The following SFMBT1 variants were observed in gnomAD, a reference collection of about 807,000 sequenced individuals.
The protein encoded by SFMBT1 is Scm like with four mbt domains 1.
In SFMBT1, 32 loss-of-function variants were observed where a neutral mutation model predicts 108.7. That is an observed-to-expected ratio of 0.29 (90% confidence interval 0.22 to 0.40). SFMBT1 has a LOEUF of 0.40. Ranked by LOEUF, SFMBT1 falls within the 10% of genes least tolerant of loss-of-function variation. The pLI is 1.00. For synonymous variants in SFMBT1, 348 were observed against 369.5 expected (o/e 0.94, Z 0.67); for missense variants, 816 against 1,059.6 (o/e 0.77, Z 3.19).
chr3:52,974,049 A>G (rs942207142), intron 1 of SFMBT1, among the ~76,000 whole-genome samples: 2 of 152,238 alleles, frequency 1.3e-5, no homozygotes, highest in African/African-American at 4.8e-5. Context: ...AAGTATCCTC[A>G]GCCAAATGAT....
intron 2 of SFMBT1, among the ~76,000 whole-genome samples, chr3:52,968,136 G>A (rs755766966): frequency 2.0e-5 from 3 of 152,184 alleles, no homozygotes; most frequent in Non-Finnish European, 2.9e-5. Flanking sequence ...CAATATACGC[G>A]AGAGCTTGGA....
In SFMBT1 at chr3:53,034,918, G is replaced by A. The variant is rs141476417; in HGVS notation, c.-131+10898C>T. ...CGAGCCACTGCACTCCAGTCTGGGC[G>A]ACAGAGCGAGACTCTGTCTCAAAAT... is the stretch of plus-strand genomic sequence containing the variant. On this transcript the variant is annotated intron_variant, in intron 1 of 20. Transcript: ENST00000394752. Among the ~76,000 whole-genome samples the A allele has an allele frequency of 6.9e-3, 1,055 of 152,304 alleles. 13 individuals are homozygous for A. Among genetic ancestry groups the A allele is most frequent in the African/African-American group, 0.024 (1,009 of 41,554 alleles).
intron 1 of SFMBT1, among the ~76,000 whole-genome samples, chr3:52,985,628 T>C (rs1704878453): frequency 6.6e-6 from 1 of 152,246 alleles, no homozygotes; most frequent in Non-Finnish European, 1.5e-5. Flanking sequence ...TGAGGATATG[T>C]TCTGAGAAAT....
At chr3:52,958,678 G>T (rs111358116) in intron 2 of SFMBT1, among the ~76,000 whole-genome samples, 2,202 of 152,228 alleles carry the variant, frequency 0.014, 53 homozygotes, top group African/African-American at 0.048. Flanking sequence ...ACTGTTGGTG[G>T]GAATGTAAAT....
chr3:52,956,430 A>G (rs540154868), intron 2 of SFMBT1, among the ~76,000 whole-genome samples: 11 of 152,322 alleles, frequency 7.2e-5, no homozygotes, highest in African/African-American at 2.2e-4. Context: ...ACTGCACTCC[A>G]GCCTGGTGAT....
At position 52,906,189 on chromosome 3, in the gene SFMBT1, T is replaced by G; in HGVS notation, c.2384A>C (p.Lys795Thr). 6.2e-7 allele frequency: 1 copy of G among 1,614,162 alleles called. No homozygotes were observed. Among genetic ancestry groups the G allele is most frequent in the Non-Finnish European group, 8.5e-7 (1 of 1,179,992 alleles). The change falls in exon 20 of 21, where the codon AAG (lysine) becomes ACG (threonine). Residue 795 changes from lysine (K) to threonine (T), a missense_variant. Physicochemically the swap from Lys to Thr is moderately conservative, Grantham distance 78 (BLOSUM62 -1). This residue lies in a region of SFMBT1 where 49 missense variants were observed against 91.8 expected (regional missense o/e 0.53). Transcript: ENST00000394752. ...ERLHLDSNPL[K>T]WSVADVVRFI... ...CCGCACAACGTCTGCCACACTCCAC[T>G]TCAAGGGGTTACTGTCCAGGTGAAG...
chr3:52,949,724 C>T (rs1232243129), intron 3 of SFMBT1, among the ~76,000 whole-genome samples: 2 of 151,806 alleles, frequency 1.3e-5, no homozygotes, highest in Admixed American at 1.3e-4. Flanking sequence ...GGATTACAGG[C>T]ATGCACCACC....
At chr3:53,034,035 A>G (rs1386228110) in intron 1 of SFMBT1, among the ~76,000 whole-genome samples, 1 of 135,366 alleles carries the variant, frequency 7.4e-6, no homozygotes, top group Admixed American at 8.8e-5. Flanking sequence ...GCGCCATTGC[A>G]CTCCAGCCTG....
At chr3:53,031,246 A>G (rs577599110) in intron 1 of SFMBT1, among the ~76,000 whole-genome samples, 11 of 152,314 alleles carry the variant, frequency 7.2e-5, no homozygotes, top group Admixed American at 7.2e-4. Context: ...GCGAATAACA[A>G]CAGGCTCTCT....
At chr3:53,013,625 T>C (rs1699028429) in intron 1 of SFMBT1, among the ~76,000 whole-genome samples, 1 of 107,022 alleles carries the variant, frequency 9.3e-6, no homozygotes, top group African/African-American at 3.6e-5. Context: ...CTTTTTTTTT[T>C]TTTTTTTTTT....
intron 3 of SFMBT1, among the ~76,000 whole-genome samples, chr3:52,951,188 A>C (rs1215028688): frequency 1.5e-5 from 2 of 136,918 alleles, no homozygotes; most frequent in Non-Finnish European, 3.1e-5. Flanking sequence ...AAAAAAAAAA[A>C]AAAACACACA....
intron 3 of SFMBT1, among the ~76,000 whole-genome samples, chr3:52,945,991 G>A (rs1050524018): frequency 5.3e-5 from 8 of 152,150 alleles, no homozygotes; most frequent in East Asian, 1.9e-4. Context: ...CAGATGCCAC[G>A]TAACTAACCA....
chr3:52,983,122 T>TC (rs1237301143), intron 1 of SFMBT1, among the ~76,000 whole-genome samples: 1 of 152,112 alleles, frequency 6.6e-6, no homozygotes, highest in African/African-American at 2.4e-5. Context: ...CCTTTCTGCC[T>TC]CCTCCCCTCT....
chr3:53,043,684 AATCGTAACC>A, intron 1 of SFMBT1, among the ~76,000 whole-genome samples: 1 of 152,238 alleles, frequency 6.6e-6, no homozygotes, highest in Non-Finnish European at 1.5e-5. Context: ...AAGAACTACC[AATCGTAACC>A]TGCAAAGTAT....
chr3:52,909,121 G>A (rs982960758), intron 17 of SFMBT1, among the ~76,000 whole-genome samples: 27 of 152,054 alleles, frequency 1.8e-4, no homozygotes, highest in Non-Finnish European at 7.4e-5. Flanking sequence ...TAAAGGATAC[G>A]AATCCATTTG....
intron 1 of SFMBT1, among the ~76,000 whole-genome samples, chr3:53,043,948 G>A (rs923697756): frequency 4.6e-5 from 7 of 152,202 alleles, no homozygotes; most frequent in African/African-American, 1.7e-4. Flanking sequence ...TTGCCTTGGG[G>A]AGGGGGAATG....
intron 20 of SFMBT1, among the ~76,000 whole-genome samples, chr3:52,905,668 T>A (rs1702048342): frequency 6.6e-6 from 1 of 152,202 alleles, no homozygotes; most frequent in African/African-American, 2.4e-5. Context: ...GTAACATTCA[T>A]AAAAACCCGA....
chr3:52,971,115 T>C (rs1704325617), intron 1 of SFMBT1, among the ~76,000 whole-genome samples: 1 of 151,480 alleles, frequency 6.6e-6, no homozygotes. Flanking sequence ...CACTCCAGCC[T>C]GGGCAATGAG....
chr3:53,025,772 G>A (rs1699468480), intron 1 of SFMBT1, among the ~76,000 whole-genome samples: 1 of 152,172 alleles, frequency 6.6e-6, no homozygotes, highest in Non-Finnish European at 1.5e-5. Context: ...CAGCCCAGGT[G>A]TGATGCTGGA....
Sources: allele counts gnomAD v4.1 joint callset (sites outside exome capture counted in the v4.1 genomes callset), GRCh38; gene constraint gnomAD v4.1.1; regional missense constraint gnomAD v4.1.1; transcripts MANE v1.5; gene names NCBI Gene and HGNC (gene_info 2026-07-23, HGNC 2026-07-21).